Variants in DCAF6 observed in about 807,000 individuals in gnomAD.
DCAF6 encodes DDB1 and CUL4 associated factor 6, also known as DDB1- and CUL4-associated factor 6.
DCAF6 carries 54 observed loss-of-function variants against 125.1 expected under a neutral mutation model. That is an observed-to-expected ratio of 0.43 (90% CI 0.35 to 0.54). The LOEUF is 0.54. Ranked by LOEUF, DCAF6 falls within the 20% of genes least tolerant of loss-of-function variation. The probability of loss-of-function intolerance (pLI) is 0.01; values close to 1 mark genes in which losing one functional copy is unlikely to be tolerated. For missense variants in DCAF6, 934 were observed against 1,161.7 expected (o/e 0.80, Z 2.85); for synonymous variants, 371 against 390.4 (o/e 0.95, Z 0.58).
intron 15 of DCAF6, 94 bp from the exon 16 acceptor site, chr1:168,044,805 TC>T: frequency 6.9e-7 from 1 of 1,453,486 alleles, no homozygotes; most frequent in Non-Finnish European, 9.4e-7. Context: ...GAATTAGACA[TC>T]ATATTAGAAT....
chr1:167,967,446 T>C (rs902424447), intron 3 of DCAF6, among the ~76,000 whole-genome samples: 2 of 152,210 alleles, frequency 1.3e-5, no homozygotes, highest in African/African-American at 4.8e-5. Context: ...TCAGAGAAAT[T>C]AAGATACTGA....
intron 4 of DCAF6, among the ~76,000 whole-genome samples, chr1:167,983,176 A>G (rs749953064): frequency 1.3e-5 from 2 of 152,166 alleles, no homozygotes; most frequent in Non-Finnish European, 2.9e-5. Flanking sequence ...GAATTTTAGA[A>G]TAGTTTTTTC....
chr1:167,946,235 C>G (rs947938524), intron 1 of DCAF6, among the ~76,000 whole-genome samples: 6 of 152,180 alleles, frequency 3.9e-5, no homozygotes, highest in African/African-American at 1.4e-4. Context: ...GGATTACAGG[C>G]ATGAGCTACC....
chr1:167,927,682 T>TAATA, the DCAF6 span, among the ~76,000 whole-genome samples: 24,445 of 151,128 alleles, frequency 0.16, 2,598 homozygotes, highest in African/African-American at 0.31. Context: ...CCTTTGGGGT[T>TAATA]AATAGTCGAT....
the DCAF6 span, chr1:167,920,716 G>A: frequency 1.5e-6 from 2 of 1,338,138 alleles, no homozygotes. Flanking sequence ...AGACATTTTT[G>A]AGATTTCCGT....
At chr1:167,967,572 G>A (rs933237579) in intron 3 of DCAF6, among the ~76,000 whole-genome samples, 2 of 152,028 alleles carry the variant, frequency 1.3e-5, no homozygotes, top group African/African-American at 4.8e-5. Context: ...TGACTAAATA[G>A]TTATTTTAAA....
At chr1:167,875,315 C>A in the DCAF6 span, 266,332 of 924,788 alleles carry the variant, frequency 0.29, 41,308 homozygotes, top group African/African-American at 0.5. Flanking sequence ...CCCTGACTCA[C>A]GGGTCGCAAA....
intron 7 of DCAF6, among the ~76,000 whole-genome samples, chr1:167,993,645 A>T (rs897664472): frequency 6.6e-6 from 1 of 152,158 alleles, no homozygotes; most frequent in African/African-American, 2.4e-5. Context: ...GCTACTCAGG[A>T]GACTGAGGCA....
the DCAF6 span, among the ~76,000 whole-genome samples, chr1:167,893,539 T>A: frequency 3.3e-5 from 5 of 151,844 alleles, no homozygotes. Context: ...ATGGTGAAGC[T>A]CCATCTCTAC....
chr1:167,966,762 A>T (rs1676476858), intron 3 of DCAF6, 41 bp downstream of exon 3: 2 of 1,225,738 alleles, frequency 1.6e-6, no homozygotes, highest in African/African-American at 3.0e-5. Flanking sequence ...TGAGAGAAAA[A>T]AAATCAAGAA....
chr1:167,918,418 G>A, the DCAF6 span: 4 of 1,085,850 alleles, frequency 3.7e-6, no homozygotes, highest in Non-Finnish European at 4.1e-6. Context: ...TTTATGGTAA[G>A]GAGAGAATGG....
chr1:167,989,001 TC>T (rs1283419702), intron 5 of DCAF6, among the ~76,000 whole-genome samples: 1 of 151,762 alleles, frequency 6.6e-6, no homozygotes, highest in African/African-American at 2.4e-5. Context: ...AATTGCTTGA[TC>T]CTGGGAGGCG....
At chr1:167,898,409 G>A in the DCAF6 span, among the ~76,000 whole-genome samples, 1 of 151,922 alleles carries the variant, frequency 6.6e-6, no homozygotes, top group African/African-American at 2.4e-5. Flanking sequence ...GACCAGCCTG[G>A]CCAAGATGGT....
intron 4 of DCAF6, among the ~76,000 whole-genome samples, chr1:167,976,576 T>C (rs1249141052): frequency 6.6e-6 from 1 of 152,240 alleles, no homozygotes; most frequent in African/African-American, 2.4e-5. Flanking sequence ...CATTCATTTT[T>C]GTTATTCTGG....
intron 12 of DCAF6, among the ~76,000 whole-genome samples, chr1:168,024,891 G>A (rs1307668961): frequency 3.3e-5 from 5 of 151,510 alleles, no homozygotes; most frequent in Admixed American, 1.3e-4. Context: ...TAGATGACCT[G>A]TATTACTATA....
intron 10 of DCAF6, among the ~76,000 whole-genome samples, chr1:168,011,781 C>T (rs2103141233): frequency 6.6e-6 from 1 of 152,076 alleles, no homozygotes; most frequent in East Asian, 1.9e-4. Flanking sequence ...AGTTTGAGAC[C>T]AGCCTGGACA....
At chr1:168,039,427 C>T (rs1688220917) in intron 13 of DCAF6, among the ~76,000 whole-genome samples, 1 of 150,978 alleles carries the variant, frequency 6.6e-6, no homozygotes, top group South Asian at 2.1e-4. Flanking sequence ...ATTTATTGCT[C>T]ATTAATCTAA....
At chr1:167,961,304 G>A (rs1330363300) in intron 2 of DCAF6, among the ~76,000 whole-genome samples, 2 of 151,950 alleles carry the variant, frequency 1.3e-5, no homozygotes, top group Admixed American at 1.3e-4. Context: ...GTGCAGTGGC[G>A]CGATCTCGGC....
At chr1:167,961,741 A>G (rs1030330419) in intron 2 of DCAF6, among the ~76,000 whole-genome samples, 1 of 152,166 alleles carries the variant, frequency 6.6e-6, no homozygotes, top group Non-Finnish European at 1.5e-5. Context: ...TTGATATTCT[A>G]CAGGTTGAGT....
Sources: gnomAD v4.1 joint callset for allele counts (sites outside exome capture counted in the v4.1 genomes callset) on GRCh38, gnomAD v4.1.1 for gene constraint, MANE v1.5 for transcripts, NCBI Gene and HGNC (gene_info 2026-07-23, HGNC 2026-07-21) for gene names.